The following ABCA10 variants were observed in gnomAD, a reference collection of about 807,000 sequenced individuals.
ABCA10 encodes ATP binding cassette subfamily A member 10.
A neutral mutation model predicts 187.5 loss-of-function variants in ABCA10; 169 were observed. That is an observed-to-expected ratio of 0.90 (90% CI 0.80 to 1.02). The LOEUF (loss-of-function observed/expected upper bound fraction) is 1.02, where lower values mean the gene tolerates loss of function less well. ABCA10 is among the 50% of genes least tolerant of loss of function. The pLI, the probability that ABCA10 is intolerant of heterozygous loss-of-function variation, is 0.00. For synonymous variants in ABCA10, 574 were observed against 601.8 expected, an observed-to-expected ratio of 0.95 and a Z score of 0.68; for missense variants, 1,727 against 1,812.4, an observed-to-expected ratio of 0.95 and a Z score of 0.86.
intron 31 of ABCA10, 80 bp from the exon 32 acceptor site, chr17:69,154,089 A>G: frequency 6.6e-7 from 1 of 1,524,632 alleles, no homozygotes; most frequent in Non-Finnish European, 8.8e-7. Flanking sequence ...AAAAGTGGCC[A>G]TTAAGCTACA....
At chr17:69,227,595 A>G (rs929505806) in intron 1 of ABCA10, among the ~76,000 whole-genome samples, 1 of 151,906 alleles carries the variant, frequency 6.6e-6, no homozygotes. Context: ...AAATCCCTCA[A>G]TAAGATCTTA....
At chr17:69,176,731 C>T (rs973070998) in intron 22 of ABCA10, among the ~76,000 whole-genome samples, 6 of 151,986 alleles carry the variant, frequency 3.9e-5, no homozygotes, top group African/African-American at 7.3e-5. Flanking sequence ...CTCTAAGAAT[C>T]GGACAAGACT....
At chr17:69,208,149 G>T (rs1022539536) in intron 9 of ABCA10, among the ~76,000 whole-genome samples, 3 of 152,042 alleles carry the variant, frequency 2.0e-5, no homozygotes, top group African/African-American at 7.2e-5. Flanking sequence ...CAGGCGCGGT[G>T]GCTCACGCCT....
intron 1 of ABCA10, among the ~76,000 whole-genome samples, chr17:69,241,354 GCCT>G (rs1453498653): frequency 6.6e-6 from 1 of 152,024 alleles, no homozygotes; most frequent in African/African-American, 2.4e-5. Context: ...AAATGCAATG[GCCT>G]CCTAACAGGT....
At chr17:69,217,255 GA>G (rs201415206) in intron 6 of ABCA10, among the ~76,000 whole-genome samples, 11,805 of 133,640 alleles carry the variant, frequency 0.088, 593 homozygotes, top group Admixed American at 0.17. Flanking sequence ...CTCAAAAAAA[GA>G]AAAAAAAAAA....
rs2074690711 is a variant in ABCA10 at position 69,214,821 on chromosome 17, C to T, written c.889G>A (p.Val297Ile). Residue 297 changes from valine (V) to isoleucine (I), a missense_variant, in exon 9 of 39, where the codon GTT (valine) becomes ATT (isoleucine). Physicochemically the swap from Val to Ile is conservative, Grantham distance 29 (BLOSUM62 3). Coordinates refer to ENST00000690296, the MANE Select transcript of ABCA10 (RefSeq NM_001377321.1). ...TCCCCAGAGGGATCAGGAAAAATAA[C>T]ACCACTTAAGTAATTATCCAGGTGT... is the stretch of plus-strand genomic sequence containing the variant. ...ITHLDNYLSGVIFPDPSGDSY... is the reference protein window; with the variant it reads ...ITHLDNYLSGIIFPDPSGDSY... The T allele has an allele frequency of 3.3e-6, 5 of 1,503,046 alleles. No individual in the cohort carries two copies. In the East Asian group the frequency reaches 1.3e-4, roughly 40 times the overall value. The allele number at this position is 1,503,046 out of a possible 1,614,324, so 93.1% of individuals were successfully genotyped here. A position where few individuals can be genotyped will look rare whatever the true frequency, so the allele number is the denominator to read the frequency against.
chr17:69,232,061 C>CTCTT (rs1386323494), upstream of ABCA10, among the ~76,000 whole-genome samples: 1 of 151,986 alleles, frequency 6.6e-6, no homozygotes, highest in Non-Finnish European at 1.5e-5. Context: ...GCTACTCCTA[C>CTCTT]TCTTTTTTTT....
chr17:69,164,102 T>C lies in ABCA10; in HGVS notation c.3335A>G (p.Asn1112Ser), dbSNP rs369593486. Residue 1112 changes from asparagine to serine, a missense_variant, in exon 27 of 39, where the codon AAT becomes AGT. Asn to Ser is a conservative substitution (Grantham distance 46). Coordinates refer to ENST00000690296, the MANE Select transcript of ABCA10 (RefSeq NM_001377321.1). ...TAAGGTTGTTAAAAGAATGGTTTTA[T>C]TGACTTCATTTATTCTATTGTCCAG... The part of the protein sequence containing the change: ...DSLDNRINEV[N>S]KTILLTTLIP... 7 of 1,589,282 alleles carry C rather than the reference T, an allele frequency of 4.4e-6. No homozygotes were observed. In the African/African-American group the frequency reaches 9.6e-5, roughly 22 times the overall value.
chr17:69,154,322 T>C lies in ABCA10; in HGVS notation c.3699A>G (p.Glu1233=). 1 of 1,585,600 alleles carries C rather than the reference T, an allele frequency of 6.3e-7. No homozygotes were observed. ...RNVSFCVKKG[E]VLGLLGHNGA... Reference sequence around the variant, plus strand: ...CATTGTGTCCTAGTAATCCCAAAACTTCACCTGGAAGAAAGAGTCACCATC... The same window carrying C: ...CATTGTGTCCTAGTAATCCCAAAACCTCACCTGGAAGAAAGAGTCACCATC... Residue 1233 remains glutamate, a synonymous_variant, in exon 31 of 39, where the codon GAA becomes GAG. Transcript: ENST00000690296.
intron 16 of ABCA10, among the ~76,000 whole-genome samples, chr17:69,191,965 C>T (rs927765477): frequency 1.3e-5 from 2 of 152,154 alleles, no homozygotes; most frequent in African/African-American, 4.8e-5. Context: ...AATTGTTTTG[C>T]TAAAAGTAAA....
rs1200743142 is a variant in ABCA10 at position 69,155,488 on chromosome 17, T to C, written c.3576+317A>G. Among the ~76,000 whole-genome samples the C allele has an allele frequency of 2.0e-5, 3 of 152,220 alleles. No individual in the cohort carries two copies. The East Asian group carries it at 5.8e-4, about 29-fold the overall frequency. On this transcript the variant is annotated intron_variant, in intron 29 of 38. Transcript: ENST00000690296. ...TATTCAGTTATTAATATTACAAGCA[T>C]ACTATAATATAAAATGTAATTGCAA...
At chr17:69,232,791 T>C (rs1172497157), upstream of ABCA10, among the ~76,000 whole-genome samples, 2 of 152,194 alleles carry the variant, frequency 1.3e-5, no homozygotes, top group South Asian at 2.1e-4. Context: ...AAAGTCTTTA[T>C]CTCTCCTTCA....
intron 30 of ABCA10, 64 bp downstream of exon 30, chr17:69,154,955 T>C (rs2144754994): frequency 2.4e-6 from 3 of 1,234,906 alleles, no homozygotes. Flanking sequence ...TTGTCCCCTT[T>C]GTAGTCTTAA....
chr17:69,156,774 A>C (rs1598086388), intron 28 of ABCA10, 58 bp downstream of exon 28: 1 of 1,079,936 alleles, frequency 9.3e-7, no homozygotes, highest in Non-Finnish European at 1.2e-6. Context: ...TGAAATTATA[A>C]ATTTAAAAAG....
At chr17:69,225,597 A>G (rs1444546128) in intron 2 of ABCA10, 68 bp from the exon 3 acceptor site, 1 of 407,806 alleles carries the variant, frequency 2.5e-6, no homozygotes, top group African/African-American at 2.1e-5. Flanking sequence ...ACATCCAAAC[A>G]CATTTTTAAG....
chr17:69,209,882 A>G (rs1471781421), intron 9 of ABCA10, among the ~76,000 whole-genome samples: 1 of 152,140 alleles, frequency 6.6e-6, no homozygotes, highest in African/African-American at 2.4e-5. Context: ...CTATCTTATC[A>G]TATCTAAACA....
chr17:69,241,940 T>C (rs779190490), intron 1 of ABCA10, among the ~76,000 whole-genome samples: 5 of 152,208 alleles, frequency 3.3e-5, no homozygotes, highest in Non-Finnish European at 7.3e-5. Context: ...GGCACCATCA[T>C]AGACGGCTCT....
intron 26 of ABCA10, 80 bp downstream of exon 26, chr17:69,164,884 A>C: frequency 1.4e-6 from 2 of 1,465,592 alleles, no homozygotes; most frequent in Non-Finnish European, 9.2e-7. Flanking sequence ...TTATAAATGC[A>C]CCTGTTCCGA....
chr17:69,189,703 G>T (rs2074446263), intron 18 of ABCA10, among the ~76,000 whole-genome samples: 1 of 152,084 alleles, frequency 6.6e-6, no homozygotes, highest in Admixed American at 6.6e-5. Context: ...TTTGTATAGG[G>T]TGAAAGGTAG....
Sources: allele counts gnomAD v4.1 joint callset (sites outside exome capture counted in the v4.1 genomes callset), GRCh38; gene constraint gnomAD v4.1.1; transcripts MANE v1.5; gene names NCBI Gene and HGNC (gene_info 2026-07-23, HGNC 2026-07-21).